RAP1A: variants seen among roughly 807,000 people sequenced by gnomAD.
The protein encoded by RAP1A is ras-related protein Rap-1A.
RAP1A carries 6 observed loss-of-function variants against 26.4 expected under a neutral mutation model. That is an observed-to-expected ratio of 0.23 (90% CI 0.12 to 0.45). The LOEUF (loss-of-function observed/expected upper bound fraction) is 0.45, where lower values mean the gene tolerates loss of function less well. Ranked by LOEUF, RAP1A falls within the 20% of genes least tolerant of loss-of-function variation. RAP1A has a pLI of 0.99. For synonymous variants in RAP1A, 73 were observed against 79.4 expected (o/e 0.92, Z 0.43); for missense variants, 121 against 217.2 (o/e 0.56, Z 2.78).
At chr1:111,560,760 G>A (rs1657706818) in intron 1 of RAP1A, among the ~76,000 whole-genome samples, 1 of 152,136 alleles carries the variant, frequency 6.6e-6, no homozygotes, top group South Asian at 2.1e-4. Context: ...CAAAAGTGCT[G>A]GGATTACAGG....
rs1178685032 is a variant in RAP1A, at chr1:111,619,815, C to T, written c.-147C>T. Reference sequence around the variant, plus strand: ...CCGCCGCTCCCGAGGCCCCTGCCGCCGCCGCTCCCGCTGCTGTCGCCGCGC... The same window carrying T: ...CCGCCGCTCCCGAGGCCCCTGCCGCTGCCGCTCCCGCTGCTGTCGCCGCGC... On this transcript the variant is annotated 5_prime_UTR_variant, in exon 1 of 8. Coordinates refer to ENST00000369709, the MANE Select transcript of RAP1A (RefSeq NM_002884.4). 7 of 399,310 alleles carry T rather than the reference C, an allele frequency of 1.8e-5. No individual in the cohort carries two copies. The highest frequency in any genetic ancestry group is 1.3e-4 in the South Asian group (1 of 7,908). The allele number at this position is 399,310 out of a possible 1,614,324, so 24.7% of individuals were successfully genotyped here. A position where few individuals can be genotyped will look rare whatever the true frequency, so the allele number is the denominator to read the frequency against.
chr1:111,665,859 G>A (rs1660784610), intron 1 of RAP1A, among the ~76,000 whole-genome samples: 2 of 152,236 alleles, frequency 1.3e-5, no homozygotes, highest in South Asian at 4.1e-4. Flanking sequence ...AGTCAAAGAA[G>A]ACCATCTCTT....
At chr1:111,555,522 G>C (rs1657454475) in intron 1 of RAP1A, among the ~76,000 whole-genome samples, 1 of 151,854 alleles carries the variant, frequency 6.6e-6, no homozygotes, top group South Asian at 2.1e-4. Flanking sequence ...TTGAAGAATA[G>C]CTGAAGAAAT....
intron 1 of RAP1A, among the ~76,000 whole-genome samples, chr1:111,634,876 T>A (rs1004212233): frequency 3.3e-5 from 5 of 152,028 alleles, no homozygotes; most frequent in Admixed American, 1.3e-4. Flanking sequence ...ATCTGCTGAC[T>A]TCATGATCTA....
At chr1:111,654,154 C>A (rs1036497286) in intron 1 of RAP1A, among the ~76,000 whole-genome samples, 1 of 152,208 alleles carries the variant, frequency 6.6e-6, no homozygotes, top group Non-Finnish European at 1.5e-5. Context: ...CCTAAGGACT[C>A]TCCGCCATGG....
At chr1:111,641,626 G>GGTGT (rs1553218037) in intron 1 of RAP1A, among the ~76,000 whole-genome samples, 1 of 151,930 alleles carries the variant, frequency 6.6e-6, no homozygotes, top group African/African-American at 2.4e-5. Context: ...AGAAGGAAGG[G>GGTGT]GTGTGTGCGT....
At chr1:111,648,647 T>C in intron 1 of RAP1A, 1 of 519,642 alleles carries the variant, frequency 1.9e-6, no homozygotes, top group Admixed American at 2.5e-5. Context: ...CATTTCTCAC[T>C]GAGTCCAGGT....
chr1:111,564,059 GGGTAGA>G (rs1657855318), intron 1 of RAP1A: 1 of 811,842 alleles, frequency 1.2e-6, no homozygotes, highest in Admixed American at 1.9e-5. Flanking sequence ...CTGTTTTGGG[GGGTAGA>G]GAATTGGACA....
intron 6 of RAP1A, among the ~76,000 whole-genome samples, chr1:111,707,545 T>C (rs946841161): frequency 4.6e-5 from 7 of 152,186 alleles, no homozygotes; most frequent in Non-Finnish European, 1.0e-4. Context: ...GCACAATGAT[T>C]AGAATCCTAA....
At chr1:111,582,618 G>C (rs1433615416) in intron 1 of RAP1A, among the ~76,000 whole-genome samples, 1 of 152,210 alleles carries the variant, frequency 6.6e-6, no homozygotes, top group Admixed American at 6.5e-5. Flanking sequence ...TTAAGCAGCA[G>C]TGGGCACACG....
At position 111,545,833 on chromosome 1, in the gene RAP1A, A is replaced by C. The variant is rs186747814; in HGVS notation, c.-28+3324A>C. ...GCTGGGAGTCCAACTTCATTCTTTG[A>C]TATGTAGATATTCAGTTGTCCCAGC... is the stretch of plus-strand genomic sequence containing the variant. On this transcript the variant is annotated intron_variant, in intron 1 of 7. Coordinates refer to the RAP1A transcript ENST00000356415. Among the ~76,000 whole-genome samples, 5 of 152,138 alleles carry C rather than the reference A, an allele frequency of 3.3e-5. No individual in the cohort carries two copies. The East Asian group carries it at 9.7e-4, about 29-fold the overall frequency.
chr1:111,594,683 T>C (rs1470458138), intron 1 of RAP1A, among the ~76,000 whole-genome samples: 1 of 152,128 alleles, frequency 6.6e-6, no homozygotes, highest in African/African-American at 2.4e-5. Context: ...TCTGAACCCA[T>C]AAAGTTCCTT....
At chr1:111,580,611 G>A (rs1336425992) in intron 1 of RAP1A, among the ~76,000 whole-genome samples, 1 of 152,188 alleles carries the variant, frequency 6.6e-6, no homozygotes, top group Non-Finnish European at 1.5e-5. Flanking sequence ...CACTTTGGGA[G>A]GCCAAGGCGG....
chr1:111,651,902 G>A (rs1179012276), intron 1 of RAP1A, among the ~76,000 whole-genome samples: 2 of 151,674 alleles, frequency 1.3e-5, no homozygotes, highest in African/African-American at 4.8e-5. Flanking sequence ...GTGAGAGACC[G>A]TGCCCGGCTC....
chr1:111,603,723 C>T (rs1263174773), intron 1 of RAP1A, among the ~76,000 whole-genome samples: 4 of 152,248 alleles, frequency 2.6e-5, no homozygotes, highest in Non-Finnish European at 2.9e-5. Context: ...TAAAAAATGA[C>T]GAACATCTTT....
In RAP1A at chr1:111,713,846, CA is replaced by C. The variant is rs554496792; in HGVS notation, c.*1447del. ...GAGGTAGAACAAAAAGCTTGTTAGCCAATTAAGTTCTGGAAAAGGAAAGAAA... is the reference window on the plus strand; with the variant it reads ...GAGGTAGAACAAAAAGCTTGTTAGCCATTAAGTTCTGGAAAAGGAAAGAAA... On this transcript the variant is annotated 3_prime_UTR_variant, in exon 8 of 8. Transcript: ENST00000369709. 39 of 152,108 alleles carry C rather than the reference CA, an allele frequency of 2.6e-4. No homozygotes were observed. The highest frequency in any genetic ancestry group is 4.9e-4 in the Non-Finnish European group (33 of 68,032). 9.4% of individuals were successfully genotyped at this position (152,108 alleles called of 1,614,324 possible).
chr1:111,602,381 A>G (rs1658690332), intron 1 of RAP1A: 1 of 152,234 alleles, frequency 6.6e-6, no homozygotes, highest in African/African-American at 2.4e-5. Context: ...GGATAATAAT[A>G]TCTACATAGT....
chr1:111,542,579 C>G (rs1210097862), intron 1 of RAP1A: 2 of 159,044 alleles, frequency 1.3e-5, no homozygotes. Flanking sequence ...GCCCTTTCTT[C>G]TGTGACTTAC....
intron 1 of RAP1A, among the ~76,000 whole-genome samples, chr1:111,582,839 C>T (rs1658284775): frequency 1.3e-5 from 2 of 152,218 alleles, no homozygotes; most frequent in African/African-American, 4.8e-5. Context: ...TTTCAGATTG[C>T]TTGTCCTTTG....
Sources: allele counts gnomAD v4.1 joint callset (sites outside exome capture counted in the v4.1 genomes callset), GRCh38; gene constraint gnomAD v4.1.1; transcripts MANE v1.5; gene names NCBI Gene and HGNC (gene_info 2026-07-23, HGNC 2026-07-21).